The following ZNRF1 variants were observed in gnomAD, a reference collection of about 807,000 sequenced individuals.
The protein encoded by ZNRF1 is E3 ubiquitin-protein ligase ZNRF1.
In ZNRF1, 3 loss-of-function variants were observed where a neutral mutation model predicts 18.4. That is an observed-to-expected ratio of 0.16 (90% CI 0.07 to 0.42). The LOEUF is 0.42. ZNRF1 is among the 10% of genes least tolerant of loss of function. ZNRF1 has a pLI of 0.99. For missense variants in ZNRF1, 310 were observed against 329.8 expected (o/e 0.94, Z 0.47); for synonymous variants, 157 against 144.2 (o/e 1.09, Z -0.64).
At chr16:75,055,177 T>C (rs2035652624) in intron 1 of ZNRF1, among the ~76,000 whole-genome samples, 2 of 152,260 alleles carry the variant, frequency 1.3e-5, no homozygotes, top group African/African-American at 4.8e-5. Context: ...GAACGTCATT[T>C]GGACTCTTTC....
chr16:75,069,020 C>T (rs749285063), intron 1 of ZNRF1, among the ~76,000 whole-genome samples: 33 of 151,916 alleles, frequency 2.2e-4, no homozygotes, highest in South Asian at 1.0e-3. Context: ...CCGAAGAACA[C>T]CAAAGGGACC....
chr16:75,009,217 A>G (rs1175861502), intron 1 of ZNRF1, among the ~76,000 whole-genome samples: 1 of 152,148 alleles, frequency 6.6e-6, no homozygotes, highest in Non-Finnish European at 1.5e-5. Flanking sequence ...GAACTTCACA[A>G]CATCTACACT....
intron 1 of ZNRF1, among the ~76,000 whole-genome samples, chr16:75,064,484 G>T (rs749761333): frequency 3.3e-5 from 5 of 151,532 alleles, no homozygotes; most frequent in Non-Finnish European, 5.9e-5. Flanking sequence ...TGAGCCCGGG[G>T]TGCAGAGGTT....
chr16:75,107,392 C>T (rs1597914675), intron 4 of ZNRF1: 2 of 204,744 alleles, frequency 9.8e-6, no homozygotes, highest in East Asian at 1.7e-4. Context: ...CTCCCTTTCT[C>T]TCTCTCTTGC....
chr16:75,097,358 C>T (rs558391921), intron 2 of ZNRF1, among the ~76,000 whole-genome samples: 2 of 152,122 alleles, frequency 1.3e-5, no homozygotes, highest in East Asian at 1.9e-4. Flanking sequence ...ATCTGGGGGG[C>T]GGCAGGTTCA....
chr16:75,047,255 C>T (rs1205682496), intron 1 of ZNRF1, among the ~76,000 whole-genome samples: 1 of 152,202 alleles, frequency 6.6e-6, no homozygotes. Context: ...TCACTGTAAT[C>T]TTGAACTCCT....
chr16:75,029,652 C>T (rs1039693019), intron 1 of ZNRF1, among the ~76,000 whole-genome samples: 3 of 151,416 alleles, frequency 2.0e-5, no homozygotes, highest in East Asian at 2.0e-4. Context: ...GCCTGTAGCC[C>T]CAGCTGAGGC....
intron 1 of ZNRF1, among the ~76,000 whole-genome samples, chr16:75,013,046 A>AT (rs1416730605): frequency 6.6e-6 from 1 of 152,202 alleles, no homozygotes; most frequent in African/African-American, 2.4e-5. Flanking sequence ...AGGATTAGAG[A>AT]TACATCCTTC....
At position 75,109,791 on chromosome 16, in the gene ZNRF1, C is replaced by T. The variant is rs1026351558; in HGVS notation, c.*2091C>T. The T allele has an allele frequency of 5.4e-4, 82 of 152,426 alleles. No homozygotes were observed. Among genetic ancestry groups the T allele is most frequent in the African/African-American group, 1.9e-3 (81 of 41,586 alleles). 9.4% of individuals were successfully genotyped at this position (152,426 alleles called of 1,614,324 possible). A position where few individuals can be genotyped will look rare whatever the true frequency, so the allele number is the denominator to read the frequency against. On this transcript the variant is annotated 3_prime_UTR_variant, in exon 5 of 5. Coordinates refer to ENST00000335325, the MANE Select transcript of ZNRF1 (RefSeq NM_032268.5). ...GTCCCTGTGGGGGCTGGGGGAGCTG[C>T]CCTGCAGGTCTTGGCACATGCACAG...
At chr16:75,084,447 C>G (rs2036051718) in intron 1 of ZNRF1, 1 of 152,158 alleles carries the variant, frequency 6.6e-6, no homozygotes, top group African/African-American at 2.4e-5. Context: ...GAAAAATCTT[C>G]AAGCTTTCAG....
intron 2 of ZNRF1, among the ~76,000 whole-genome samples, chr16:75,094,909 AG>A (rs932120345): frequency 6.6e-6 from 1 of 152,150 alleles, no homozygotes; most frequent in Non-Finnish European, 1.5e-5. Context: ...TTGGAAAAAG[AG>A]TTCTGGGATT....
chr16:75,023,579 G>A (rs1036509882), intron 1 of ZNRF1, among the ~76,000 whole-genome samples: 1 of 152,116 alleles, frequency 6.6e-6, no homozygotes. Flanking sequence ...AGCTACTCGG[G>A]AGGCTGAGGC....
intron 1 of ZNRF1, among the ~76,000 whole-genome samples, chr16:75,050,183 C>G (rs1214733462): frequency 6.6e-6 from 1 of 152,138 alleles, no homozygotes; most frequent in Non-Finnish European, 1.5e-5. Flanking sequence ...AAGTAGTAGT[C>G]CATGGTATGG....
chr16:75,051,885 A>G (rs1364944897), intron 1 of ZNRF1, among the ~76,000 whole-genome samples: 1 of 152,104 alleles, frequency 6.6e-6, no homozygotes, highest in African/African-American at 2.4e-5. Flanking sequence ...TTATTTATCT[A>G]TCCACCTCTT....
chr16:75,058,440 C>T (rs527858322), intron 1 of ZNRF1, among the ~76,000 whole-genome samples: 2 of 152,302 alleles, frequency 1.3e-5, no homozygotes, highest in South Asian at 4.1e-4. Context: ...ATTATTTCCC[C>T]AAACCTGCTG....
At chr16:75,040,828 G>A (rs1039071564) in intron 1 of ZNRF1, among the ~76,000 whole-genome samples, 8 of 151,464 alleles carry the variant, frequency 5.3e-5, no homozygotes, top group African/African-American at 1.9e-4. Context: ...GGCTGGTCTC[G>A]AACTCCTGAC....
intron 1 of ZNRF1, among the ~76,000 whole-genome samples, chr16:75,080,885 A>G (rs191430198): frequency 1.7e-4 from 26 of 150,782 alleles, no homozygotes; most frequent in Non-Finnish European, 3.3e-4. Context: ...TAAAAAATAA[A>G]AATGAGGGCC....
chr16:75,000,209 C>A, intron 1 of ZNRF1, 114 bp downstream of exon 1: 1 of 1,407,478 alleles, frequency 7.1e-7, no homozygotes, highest in Non-Finnish European at 9.7e-7. Flanking sequence ...TGTCTGCATT[C>A]CCTTTGGTTC....
At chr16:75,104,498 A>G (rs1410308586) in intron 2 of ZNRF1, 2 of 280,710 alleles carry the variant, frequency 7.1e-6, no homozygotes, top group South Asian at 4.2e-5. Context: ...CTTCCTGTCT[A>G]CCCTTCTCCA....
Sources: gnomAD v4.1 joint callset for allele counts (sites outside exome capture counted in the v4.1 genomes callset) on GRCh38, gnomAD v4.1.1 for gene constraint, MANE v1.5 for transcripts, NCBI Gene and HGNC (gene_info 2026-07-23, HGNC 2026-07-21) for gene names.